Variants in PDCD10 observed in about 807,000 individuals in gnomAD.
PDCD10 encodes programmed cell death 10.
In PDCD10, 4 loss-of-function variants were observed where a neutral mutation model predicts 29.2. The ratio of observed to expected loss-of-function variants is 0.14; its 90% CI spans 0.07 to 0.31. PDCD10 has a LOEUF of 0.31. Ranked by LOEUF, PDCD10 falls within the 10% of genes least tolerant of loss-of-function variation. The pLI, the probability that PDCD10 is intolerant of heterozygous loss-of-function variation, is 1.00. For missense variants in PDCD10, 183 were observed against 257.9 expected (o/e 0.71, Z 1.99); for synonymous variants, 70 against 82.2 (o/e 0.85, Z 0.80).
chr3:167,691,330 T>C (rs1486103918), intron 6 of PDCD10, among the ~76,000 whole-genome samples: 6 of 152,196 alleles, frequency 3.9e-5, no homozygotes, highest in Middle Eastern at 3.2e-3. Context: ...CCTCAAATGG[T>C]TAGGAAGTAA....
At chr3:167,722,796 T>C (rs1723719347) in intron 2 of PDCD10, among the ~76,000 whole-genome samples, 2 of 152,214 alleles carry the variant, frequency 1.3e-5, no homozygotes, top group Admixed American at 1.3e-4. Flanking sequence ...ACTTTCAGAA[T>C]TACTGCTGAC....
chr3:167,720,641 A>G (rs936433463), intron 2 of PDCD10, among the ~76,000 whole-genome samples: 22 of 152,220 alleles, frequency 1.4e-4, no homozygotes, highest in African/African-American at 5.1e-4. Flanking sequence ...TACATAATAT[A>G]AAATTATAAT....
chr3:167,685,564 T>G (rs1719531630), intron 8 of PDCD10, among the ~76,000 whole-genome samples: 1 of 152,124 alleles, frequency 6.6e-6, no homozygotes, highest in Non-Finnish European at 1.5e-5. Flanking sequence ...CACAAAGAAC[T>G]GGAATTTTAA....
At chr3:167,688,007 A>G (rs1719809388) in intron 6 of PDCD10, among the ~76,000 whole-genome samples, 1 of 152,150 alleles carries the variant, frequency 6.6e-6, no homozygotes. Flanking sequence ...AAAAAGATAA[A>G]CATTACCTAT....
At chr3:167,698,621 G>A (rs1350176913) in intron 4 of PDCD10, among the ~76,000 whole-genome samples, 1 of 152,146 alleles carries the variant, frequency 6.6e-6, no homozygotes, top group Non-Finnish European at 1.5e-5. Context: ...AAGATGTGTT[G>A]TTATAGCATT....
Position 167,697,139 on chromosome 3 carries a change from G to C in PDCD10, c.151-13C>G. ...TTTCTTTTTCAGCCTATAATAAAGA[G>C]AAAACTAGTTTTGAAATACAGATAA... On this transcript the variant is annotated splice_polypyrimidine_tract_variant and intron_variant, in intron 4 of 8. Coordinates refer to ENST00000392750, the MANE Select transcript of PDCD10 (RefSeq NM_007217.4). 1.5e-6 allele frequency: 2 copies of C among 1,372,130 alleles called. No homozygotes were observed. The highest frequency in any genetic ancestry group is 1.2e-5 in the South Asian group (1 of 86,034). The allele number at this position is 1,372,130 out of a possible 1,614,324, so 85.0% of individuals were successfully genotyped here.
rs776531423 is a variant in PDCD10, at chr3:167,687,655, A to G, written c.434T>C (p.Val145Ala). The change falls in exon 7 of 9, where the codon GTG becomes GCG. Residue 145 changes from valine (V) to alanine (A), a missense_variant. By Grantham distance (64) the Val-to-Ala change is moderately conservative. Transcript: ENST00000392750. ...ASAIKELLDTVNNVFKKYQYQ... is the reference protein window; with the variant it reads ...ASAIKELLDTANNVFKKYQYQ... ...TTGATATTTCTTGAAGACATTATTC[A>G]CTGTATCAAGAAGTTCTTTTATTGC... 6.3e-7 allele frequency: 1 copy of G among 1,599,036 alleles called. No homozygotes were observed. The highest frequency in any genetic ancestry group is 1.1e-5 in the South Asian group (1 of 90,736).
chr3:167,705,602 G>GA (rs1333640813), intron 3 of PDCD10, among the ~76,000 whole-genome samples: 1 of 152,062 alleles, frequency 6.6e-6, no homozygotes, highest in African/African-American at 2.4e-5. Context: ...CCCTACAAAT[G>GA]ACTAACTTTA....
chr3:167,713,476 G>C (rs1722722081), intron 3 of PDCD10, among the ~76,000 whole-genome samples: 1 of 151,370 alleles, frequency 6.6e-6, no homozygotes, highest in South Asian at 2.1e-4. Flanking sequence ...CATCAAAAGA[G>C]AACAAACAAT....
At chr3:167,694,326 A>AT (rs1720570653) in intron 6 of PDCD10, 1 of 206,618 alleles carries the variant, frequency 4.8e-6, no homozygotes, top group East Asian at 1.4e-4. Flanking sequence ...GGAACCACTG[A>AT]TAAGACATGG....
At chr3:167,691,441 C>A (rs747947553) in intron 6 of PDCD10, among the ~76,000 whole-genome samples, 9 of 152,144 alleles carry the variant, frequency 5.9e-5, no homozygotes, top group Non-Finnish European at 1.2e-4. Context: ...GAAAACAACA[C>A]CCTAAAGAAA....
At chr3:167,714,693 T>C (rs1722844867) in intron 3 of PDCD10, among the ~76,000 whole-genome samples, 1 of 151,850 alleles carries the variant, frequency 6.6e-6, no homozygotes, top group South Asian at 2.1e-4. Flanking sequence ...CCATTTACAG[T>C]AGCCACAAAT....
intron 4 of PDCD10, 79 bp from the exon 5 acceptor site, chr3:167,697,205 C>T: frequency 1.2e-6 from 1 of 812,002 alleles, no homozygotes; most frequent in Non-Finnish European, 2.1e-6. Context: ...TGTTTAGAAT[C>T]TGTTGGGAGC....
At chr3:167,709,850 C>G (rs572377344) in intron 3 of PDCD10, among the ~76,000 whole-genome samples, 35 of 152,068 alleles carry the variant, frequency 2.3e-4, no homozygotes, top group Non-Finnish European at 4.6e-4. Context: ...AGGAAGGCAA[C>G]AAGTAAAGGC....
rs1325931396 is a variant in PDCD10, at chr3:167,716,440, A to G, written c.96+3622T>C. On this transcript the variant is annotated intron_variant, in intron 3 of 8. Coordinates refer to ENST00000392750, the MANE Select transcript of PDCD10 (RefSeq NM_007217.4). ...GGATGGTTTGTTATATAAAGGATAAATACTTGAGGGGATGGATAACCCATT... is the reference window on the plus strand; with the variant it reads ...GGATGGTTTGTTATATAAAGGATAAGTACTTGAGGGGATGGATAACCCATT... Among the ~76,000 whole-genome samples, 9 of 152,126 alleles carry G rather than the reference A, an allele frequency of 5.9e-5. No individual in the cohort carries two copies. In the East Asian group the frequency reaches 1.7e-3, roughly 29 times the overall value.
chr3:167,717,066 A>G (rs1438121985), intron 3 of PDCD10, among the ~76,000 whole-genome samples: 1 of 152,068 alleles, frequency 6.6e-6, no homozygotes, highest in African/African-American at 2.4e-5. Flanking sequence ...CCTATTTCAC[A>G]GTACATTTAC....
At chr3:167,731,716 G>C (rs1228580065) in intron 2 of PDCD10, among the ~76,000 whole-genome samples, 4 of 152,168 alleles carry the variant, frequency 2.6e-5, no homozygotes, top group Non-Finnish European at 5.9e-5. Context: ...AGTCCAGTGA[G>C]GAGACAGTAT....
At chr3:167,721,479 G>A (rs1723553922) in intron 2 of PDCD10, among the ~76,000 whole-genome samples, 1 of 152,152 alleles carries the variant, frequency 6.6e-6, no homozygotes, top group Non-Finnish European at 1.5e-5. Flanking sequence ...GTTTAACACT[G>A]CTAGGTATGA....
chr3:167,700,807 C>T (rs1048655496), intron 4 of PDCD10, among the ~76,000 whole-genome samples: 1 of 152,122 alleles, frequency 6.6e-6, no homozygotes, highest in Admixed American at 6.6e-5. Context: ...ATTCTGATGA[C>T]CAAGAGGCAG....
Sources: gnomAD v4.1 joint callset for allele counts (sites outside exome capture counted in the v4.1 genomes callset) on GRCh38, gnomAD v4.1.1 for gene constraint, MANE v1.5 for transcripts, NCBI Gene and HGNC (gene_info 2026-07-23, HGNC 2026-07-21) for gene names.